Variants in LARP4B observed in about 807,000 individuals in gnomAD.
The protein encoded by LARP4B is la-related protein 4B.
Under a neutral mutation model 89.8 loss-of-function variants are expected in LARP4B, and 12 were observed. The observed-to-expected ratio is 0.13, with a 90% CI of 0.09 to 0.22. The LOEUF is 0.22. LARP4B is among the 10% of genes least tolerant of loss of function. LARP4B has a pLI of 1.00. For missense variants in LARP4B, 757 were observed against 947.7 expected (o/e 0.80, Z 2.64); for synonymous variants, 367 against 363.3 (o/e 1.01, Z -0.12).
chr10:949,576 G>A, the LARP4B span, among the ~76,000 whole-genome samples: 1 of 152,250 alleles, frequency 6.6e-6, no homozygotes, highest in Non-Finnish European at 1.5e-5. Flanking sequence ...CCGGGTGAGT[G>A]ATCTGCTCTC....
chr10:820,529 C>A (rs994691700), intron 14 of LARP4B: 3 of 426,570 alleles, frequency 7.0e-6, no homozygotes, highest in Middle Eastern at 6.1e-4. Flanking sequence ...GCAGTGCATG[C>A]GACAGCAAGT....
intron 1 of LARP4B, among the ~76,000 whole-genome samples, chr10:899,909 G>C (rs530313116): frequency 1.3e-5 from 2 of 151,056 alleles, no homozygotes; most frequent in Admixed American, 6.6e-5. Context: ...GAATCAATTA[G>C]AAAAAATCAA....
intron 11 of LARP4B, among the ~76,000 whole-genome samples, chr10:827,439 T>G (rs1243784593): frequency 6.6e-6 from 1 of 152,060 alleles, no homozygotes; most frequent in African/African-American, 2.4e-5. Flanking sequence ...AAAATAAAAT[T>G]GGTCATATAT....
intron 8 of LARP4B, among the ~76,000 whole-genome samples, chr10:834,477 T>C (rs1191315219): frequency 3.3e-5 from 5 of 152,188 alleles, no homozygotes; most frequent in Admixed American, 1.3e-4. Flanking sequence ...AAAGAATAAT[T>C]TTCTGGAAAC....
chr10:936,656 G>A (rs1830751477), upstream of LARP4B, among the ~76,000 whole-genome samples: 1 of 152,186 alleles, frequency 6.6e-6, no homozygotes, highest in South Asian at 2.1e-4. Flanking sequence ...CCAGGAGGCT[G>A]AGGTTGCAGT....
chr10:825,619 G>C (rs967545155), intron 12 of LARP4B, 145 bp downstream of exon 12: 2 of 647,272 alleles, frequency 3.1e-6, no homozygotes, highest in African/African-American at 1.8e-5. Flanking sequence ...CCAGATTGTA[G>C]TGCTTAGTCT....
intron 3 of LARP4B, among the ~76,000 whole-genome samples, chr10:884,175 T>C (rs560040556): frequency 6.6e-6 from 1 of 152,282 alleles, no homozygotes; most frequent in East Asian, 1.9e-4. Flanking sequence ...CAATAAAAAT[T>C]TTGTAATATT....
chr10:920,600 C>T lies in LARP4B; in HGVS notation c.-40+10828G>A, dbSNP rs1011180476. On this transcript the variant is annotated intron_variant, in intron 1 of 17. Transcript: ENST00000316157. ...ACCAGCCTGGCCAATATGGAGAAAC[C>T]CTGTCTCTACTAAAACTATAAAAAT... 2.6e-5 allele frequency among the ~76,000 whole-genome samples: 4 copies of T among 151,938 alleles called. No individual in the cohort carries two copies. The East Asian group carries it at 7.7e-4, about 29-fold the overall frequency.
At chr10:983,296 C>T in the LARP4B span, among the ~76,000 whole-genome samples, 1 of 152,198 alleles carries the variant, frequency 6.6e-6, no homozygotes, top group African/African-American at 2.4e-5. Context: ...TTCCCCTTTC[C>T]TCAGCATAGC....
Position 864,139 on chromosome 10 carries a change from T to C in LARP4B, c.273A>G (p.Ala91=). The change falls in exon 4 of 18, where the codon GCA becomes GCG. Residue 91 remains alanine, a synonymous_variant. Transcript: ENST00000316157. ...AAWEEVAGHH[A]DRGPQGSDAN... is the part of the protein sequence containing the mutation. ...TCAACTTACCCTGCGGGCCACGGTC[T>C]GCGTGGTGGCCAGCCACCTCCTCCC... 1 of 1,614,224 alleles carries C rather than the reference T, an allele frequency of 6.2e-7. No homozygotes were observed. The highest frequency in any genetic ancestry group is 8.5e-7 in the Non-Finnish European group (1 of 1,180,036).
chr10:824,361 T>A (rs1046431123), intron 13 of LARP4B, among the ~76,000 whole-genome samples: 2 of 152,012 alleles, frequency 1.3e-5, no homozygotes, highest in Non-Finnish European at 2.9e-5. Flanking sequence ...GGCATGGTGG[T>A]GTGCATTTGA....
chr10:876,603 G>A (rs1368220332), intron 3 of LARP4B, among the ~76,000 whole-genome samples: 1 of 152,134 alleles, frequency 6.6e-6, no homozygotes, highest in Non-Finnish European at 1.5e-5. Context: ...TGGCTTTGCT[G>A]GGCTCAGTCC....
At chr10:953,958 AT>A in the LARP4B span, among the ~76,000 whole-genome samples, 1,316 of 152,354 alleles carry the variant, frequency 8.6e-3, 18 homozygotes, top group African/African-American at 0.03. Context: ...GCGTTTGCTG[AT>A]TCGGAGCAAG....
intron 1 of LARP4B, among the ~76,000 whole-genome samples, chr10:893,633 C>G (rs924293115): frequency 6.6e-6 from 1 of 152,150 alleles, no homozygotes; most frequent in East Asian, 1.9e-4. Context: ...CCTTATTCAT[C>G]TACGCTTTTC....
intron 3 of LARP4B, among the ~76,000 whole-genome samples, chr10:874,664 C>T (rs1835387920): frequency 1.3e-5 from 2 of 152,228 alleles, no homozygotes; most frequent in South Asian, 4.1e-4. Context: ...TCTTTTAGTT[C>T]CTCTGCAAGA....
At chr10:931,202 G>A (rs1263522646) in intron 1 of LARP4B, among the ~76,000 whole-genome samples, 1 of 144,856 alleles carries the variant, frequency 6.9e-6, no homozygotes, top group Non-Finnish European at 1.5e-5. Flanking sequence ...CTTTTTCCTG[G>A]CCCTGACCCC....
chr10:823,281 G>A (rs942473646), intron 13 of LARP4B, among the ~76,000 whole-genome samples: 2 of 152,188 alleles, frequency 1.3e-5, no homozygotes, highest in African/African-American at 4.8e-5. Context: ...CTGCCGCAGT[G>A]CTCAGGTCTC....
At chr10:957,800 C>CTTT in the LARP4B span, among the ~76,000 whole-genome samples, 4 of 125,082 alleles carry the variant, frequency 3.2e-5, no homozygotes, top group Admixed American at 1.7e-4. Context: ...CATTTTCTTT[C>CTTT]TTTTTTTTTT....
intron 14 of LARP4B, chr10:818,874 A>G (rs1245580581): frequency 1.3e-5 from 2 of 152,258 alleles, no homozygotes; most frequent in Non-Finnish European, 2.9e-5. Context: ...GAATCCCTGC[A>G]TCAGTAGATT....
Sources: gnomAD v4.1 joint callset for allele counts (sites outside exome capture counted in the v4.1 genomes callset) on GRCh38, gnomAD v4.1.1 for gene constraint, MANE v1.5 for transcripts, NCBI Gene and HGNC (gene_info 2026-07-23, HGNC 2026-07-21) for gene names.